Variants in CNGB1 observed in about 807,000 individuals in gnomAD.
CNGB1 encodes cyclic nucleotide-gated channel beta-1.
In CNGB1, 126 loss-of-function variants were observed where a neutral mutation model predicts 151.7. The ratio of observed to expected loss-of-function variants is 0.83; its 90% confidence interval spans 0.72 to 0.96. The LOEUF (loss-of-function observed/expected upper bound fraction) is 0.96. CNGB1 is among the 40% of genes least tolerant of loss of function. The pLI is 0.00. For missense variants in CNGB1, 1,698 were observed against 1,627.0 expected, an observed-to-expected ratio of 1.04 and a Z score of -0.75; for synonymous variants, 623 against 635.1, an observed-to-expected ratio of 0.98 and a Z score of 0.29.
chr16:57,893,217 C>T (rs58979009), intron 31 of CNGB1, among the ~76,000 whole-genome samples: 7,723 of 152,210 alleles, frequency 0.051, 314 homozygotes, highest in African/African-American at 0.11. Flanking sequence ...TTTTACCCAA[C>T]TGAAAAATTA....
intron 14 of CNGB1, among the ~76,000 whole-genome samples, chr16:57,948,453 T>C (rs1961863760): frequency 6.6e-6 from 1 of 151,778 alleles, no homozygotes; most frequent in Non-Finnish European, 1.5e-5. Context: ...CCACGCCTGG[T>C]CGACCTTCCT....
intron 15 of CNGB1, among the ~76,000 whole-genome samples, 154 bp from the exon 16 acceptor site, chr16:57,939,746 G>A (rs1198203949): frequency 6.6e-6 from 1 of 152,170 alleles, no homozygotes; most frequent in Non-Finnish European, 1.5e-5. Context: ...CCACCTTCTG[G>A]GCATCCTGGG....
chr16:57,964,187 G>A lies in CNGB1; in HGVS notation c.233C>T (p.Ala78Val). 6.2e-7 allele frequency: 1 copy of A among 1,614,180 alleles called. No individual in the cohort carries two copies. The highest frequency in any genetic ancestry group is 8.5e-7 in the Non-Finnish European group (1 of 1,180,024). Reference sequence around the variant, plus strand: ...CCGGAGGGATATGGTGGAAGTAAGGGCAGCCTCCTTGGTCTCTGGAAAAGA... The same window carrying A: ...CCGGAGGGATATGGTGGAAGTAAGGACAGCCTCCTTGGTCTCTGGAAAAGA... ...DPSPQETKEA[A>V]LTSTISLRAQ... The change falls in exon 4 of 33, where the codon GCC becomes GTC. Residue 78 changes from alanine to valine, a missense_variant. Ala to Val is a moderately conservative substitution (Grantham distance 64, BLOSUM62 0). Coordinates refer to ENST00000251102, the MANE Select transcript of CNGB1 (RefSeq NM_001297.5).
intron 31 of CNGB1, among the ~76,000 whole-genome samples, chr16:57,894,634 T>C (rs1367920432): frequency 6.6e-6 from 1 of 152,166 alleles, no homozygotes; most frequent in East Asian, 1.9e-4. Context: ...TGTGGACTTG[T>C]CCATTTTCGC....
chr16:57,931,308 A>G (rs1961340513), intron 17 of CNGB1, among the ~76,000 whole-genome samples: 1 of 151,946 alleles, frequency 6.6e-6, no homozygotes, highest in Admixed American at 6.6e-5. Context: ...GTGAGCCACT[A>G]TGCCTAGCTA....
intron 29 of CNGB1, among the ~76,000 whole-genome samples, chr16:57,898,174 C>T (rs1304034737): frequency 6.6e-6 from 1 of 152,102 alleles, no homozygotes; most frequent in Admixed American, 6.5e-5. Context: ...TTAGTGATGT[C>T]ATGGAATGGG....
At chr16:57,964,624 A>G in intron 2 of CNGB1, 80 bp from the exon 3 acceptor site, 1 of 1,293,972 alleles carries the variant, frequency 7.7e-7, no homozygotes, top group Non-Finnish European at 1.1e-6. Flanking sequence ...TTCTCCCTCA[A>G]GGGATCCCTG....
In CNGB1 at chr16:57,940,289, A is replaced by G. The variant is rs1406457114; in HGVS notation, c.1154T>C (p.Val385Ala). 1.3e-6 allele frequency: 2 copies of G among 1,583,030 alleles called. No homozygotes were observed. The highest frequency in any genetic ancestry group is 1.8e-5 in the Admixed American group (1 of 54,338). Residue 385 changes from valine to alanine, a missense_variant, in exon 15 of 33, where the codon GTG becomes GCG. Val to Ala is a moderately conservative substitution (Grantham distance 64). Coordinates refer to ENST00000251102, the MANE Select transcript of CNGB1 (RefSeq NM_001297.5). ...VLLDSCVVSQ[V>A]GVGQSEEDGT... Reference sequence around the variant, plus strand: ...GTCTTCTTCACTCTGGCCCACGCCCACCTGCGACACCACACAGCTATCCAG... The same window carrying G: ...GTCTTCTTCACTCTGGCCCACGCCCGCCTGCGACACCACACAGCTATCCAG...
At position 57,959,435 on chromosome 16, in the gene CNGB1, G is replaced by T. The variant is rs9925353; in HGVS notation, c.761+453C>A. ...TTGAGACTAGCGTGGCCAACATGGC[G>T]AAACCCCGTCTCTACTAAAAATACA... On this transcript the variant is annotated intron_variant, in intron 10 of 32. Coordinates refer to ENST00000251102, the MANE Select transcript of CNGB1 (RefSeq NM_001297.5). Among the ~76,000 whole-genome samples, 698 of 152,176 alleles carry T rather than the reference G, an allele frequency of 4.6e-3. 6 individuals are homozygous for T. The highest frequency in any genetic ancestry group is 0.015 in the African/African-American group (624 of 41,508).
chr16:57,906,721 T>C (rs2149359970), intron 25 of CNGB1, among the ~76,000 whole-genome samples: 1 of 152,328 alleles, frequency 6.6e-6, no homozygotes, highest in Non-Finnish European at 1.5e-5. Flanking sequence ...CTTATGCCGC[T>C]GGGCCACCAA....
At chr16:57,898,035 C>T (rs1960283002) in intron 29 of CNGB1, 121 bp from the exon 30 acceptor site, 2 of 953,504 alleles carry the variant, frequency 2.1e-6, no homozygotes, top group South Asian at 1.3e-5. Context: ...GGGTCCAGCC[C>T]TGCCACCACA....
chr16:57,917,092 G>A (rs1417704729), intron 21 of CNGB1, among the ~76,000 whole-genome samples, 176 bp downstream of exon 21: 5 of 152,196 alleles, frequency 3.3e-5, no homozygotes, highest in African/African-American at 9.7e-5. Flanking sequence ...TAATTTGAAC[G>A]TATCAAAGGC....
chr16:57,886,225 G>T (rs1404525400), intron 32 of CNGB1, among the ~76,000 whole-genome samples: 1 of 152,078 alleles, frequency 6.6e-6, no homozygotes, highest in Non-Finnish European at 1.5e-5. Context: ...ATTCTGCCCT[G>T]GTTGTTCTGA....
rs76392244 is a variant in CNGB1 at position 57,908,833 on chromosome 16, G to A, written c.2492+2920C>T. On this transcript the variant is annotated intron_variant, in intron 25 of 32. Coordinates refer to ENST00000251102, the MANE Select transcript of CNGB1 (RefSeq NM_001297.5). ...GCCTGGAGGGTTTGCTGCTCTCTCT[G>A]ACACAGCAGGGCCCCTTGCTGGCTG... 6.8e-3 allele frequency among the ~76,000 whole-genome samples: 1,039 copies of A among 152,284 alleles called. 16 individuals carry two copies. Among genetic ancestry groups the A allele is most frequent in the African/African-American group, 0.023 (943 of 41,558 alleles).
chr16:57,894,022 G>C (rs1190951909), intron 31 of CNGB1, among the ~76,000 whole-genome samples: 1 of 152,000 alleles, frequency 6.6e-6, no homozygotes, highest in Non-Finnish European at 1.5e-5. Flanking sequence ...TGATCTTAAG[G>C]GTTTGAAAAC....
In CNGB1 at chr16:57,940,261, C is replaced by G; in HGVS notation, c.1182G>C (p.Gly394=). The G allele has an allele frequency of 6.3e-7, 1 of 1,576,772 alleles. No individual in the cohort carries two copies. Among genetic ancestry groups the G allele is most frequent in the Non-Finnish European group, 8.6e-7 (1 of 1,161,324 alleles). Residue 394 remains glycine, a synonymous_variant, in exon 15 of 33, where the codon GGG becomes GGC. Coordinates refer to ENST00000251102, the MANE Select transcript of CNGB1 (RefSeq NM_001297.5). ...GATCTGAAGTGCTCTGGGGCCGGGT[C>G]CCGTCTTCTTCACTCTGGCCCACGC... ...QVGVGQSEED[G]TRPQSTSDQK...
intron 1 of CNGB1, among the ~76,000 whole-genome samples, chr16:57,970,052 G>C (rs1277340367): frequency 6.6e-6 from 1 of 152,188 alleles, no homozygotes; most frequent in African/African-American, 2.4e-5. Context: ...TTACAGCCCT[G>C]ACCTCTGTTC....
chr16:57,910,647 T>C (rs1960683968), intron 25 of CNGB1, among the ~76,000 whole-genome samples: 1 of 150,600 alleles, frequency 6.6e-6, no homozygotes, highest in African/African-American at 2.4e-5. Flanking sequence ...GTGTTGGGAT[T>C]ACAGGCGTGA....
Position 57,963,122 on chromosome 16 carries a change from C to T in CNGB1, c.291-58G>A, listed in dbSNP as rs74019738. 9,088 of 1,280,134 alleles carry T rather than the reference C, an allele frequency of 7.1e-3. 464 individuals are homozygous for T. In the African/African-American group the frequency reaches 0.11, roughly 16 times the overall value. The allele number at this position is 1,280,134 out of a possible 1,614,324, so 79.3% of individuals were successfully genotyped here. ...ACTTCCCCTAGCTCAATGAGGCCCT[C>T]GAGGCCCAAGACACTAGGTGAGTCT... On this transcript the variant is annotated intron_variant, in intron 4 of 32. Transcript: ENST00000251102.
Sources: allele counts gnomAD v4.1 joint callset (sites outside exome capture counted in the v4.1 genomes callset), GRCh38; gene constraint gnomAD v4.1.1; transcripts MANE v1.5; gene names NCBI Gene and HGNC (gene_info 2026-07-23, HGNC 2026-07-21).